Variants in GABRB2 observed in about 807,000 individuals in gnomAD.
The protein encoded by GABRB2 is gamma-aminobutyric acid receptor subunit beta-2.
Under a neutral mutation model 54.7 loss-of-function variants are expected in GABRB2, and 16 were observed. That is an observed-to-expected ratio of 0.29 (90% CI 0.20 to 0.44). The LOEUF (loss-of-function observed/expected upper bound fraction) is 0.44. Ranked by LOEUF, GABRB2 falls within the 20% of genes least tolerant of loss-of-function variation. The pLI is 1.00. For synonymous variants in GABRB2, 244 were observed against 233.8 expected, an observed-to-expected ratio of 1.04 and a Z score of -0.40; for missense variants, 355 against 644.0, an observed-to-expected ratio of 0.55 and a Z score of 4.86.
chr5:161,527,751 TTTAG>T (rs1322958435), intron 3 of GABRB2, among the ~76,000 whole-genome samples: 3 of 151,592 alleles, frequency 2.0e-5, no homozygotes, highest in Non-Finnish European at 4.4e-5. Context: ...GGCAATAAAA[TTTAG>T]TTAATCATGG....
At chr5:161,398,891 C>T (rs919807068) in intron 5 of GABRB2, among the ~76,000 whole-genome samples, 5 of 151,956 alleles carry the variant, frequency 3.3e-5, no homozygotes, top group East Asian at 1.9e-4. Context: ...GGTTTCACTA[C>T]GTTGGCCAGG....
rs763978292 is a variant in GABRB2 at position 161,424,639 on chromosome 5, C to A, written c.459-13582G>T. On this transcript the variant is annotated intron_variant, in intron 4 of 9. Coordinates refer to ENST00000393959, the MANE Select transcript of GABRB2 (RefSeq NM_001371727.1). ...GACAATGCACCTGGTCACCCAAGAG[C>A]TCTTATGGAGATATACAAGGAAATT... is the stretch of plus-strand genomic sequence containing the variant. 7.9e-5 allele frequency among the ~76,000 whole-genome samples: 12 copies of A among 152,088 alleles called. 1 individual carries two copies. The highest frequency in any genetic ancestry group is 1.6e-4 in the Non-Finnish European group (11 of 67,980).
intron 9 of GABRB2, 78 bp from the exon 10 acceptor site, chr5:161,294,506 G>T: frequency 8.2e-7 from 1 of 1,213,750 alleles, no homozygotes; most frequent in Non-Finnish European, 1.2e-6. Flanking sequence ...CACTATGATC[G>T]GCACTTAAGG....
At chr5:161,360,897 A>G (rs1205089803) in intron 5 of GABRB2, among the ~76,000 whole-genome samples, 2 of 152,074 alleles carry the variant, frequency 1.3e-5, no homozygotes, top group East Asian at 3.9e-4. Flanking sequence ...AAAAACAGAG[A>G]TAACATGTTA....
chr5:161,410,265 G>A lies in GABRB2; in HGVS notation c.541+710C>T, dbSNP rs180783760. Among the ~76,000 whole-genome samples, 268 of 152,106 alleles carry A rather than the reference G, an allele frequency of 1.8e-3. 5 individuals are homozygous for A. Among genetic ancestry groups the A allele is most frequent in the East Asian group, 0.013 (65 of 5,168 alleles). On this transcript the variant is annotated intron_variant, in intron 5 of 9. Transcript: ENST00000393959. ...TATGTGACCTCCAAAATGGAGATGC[G>A]TTATAAAATCACCATTTTAGCCCAC... is the stretch of plus-strand genomic sequence containing the variant.
chr5:161,419,232 A>G (rs991542872), intron 4 of GABRB2, among the ~76,000 whole-genome samples: 3 of 152,244 alleles, frequency 2.0e-5, no homozygotes, highest in Non-Finnish European at 4.4e-5. Context: ...TAATCATCAG[A>G]GAAATGCATG....
At chr5:161,385,949 T>G (rs1018706910) in intron 5 of GABRB2, among the ~76,000 whole-genome samples, 5 of 9,068 alleles carry the variant, frequency 5.5e-4, no homozygotes, top group African/African-American at 2.1e-3. Flanking sequence ...TATTGTCTGG[T>G]GTGTGTGTGT....
In GABRB2 at chr5:161,459,642, G is replaced by A. The variant is rs1437160749; in HGVS notation, c.440C>T (p.Thr147Ile). 2 of 1,613,892 alleles carry A rather than the reference G, an allele frequency of 1.2e-6. No homozygotes were observed. Among genetic ancestry groups the A allele is most frequent in the Non-Finnish European group, 1.7e-6 (2 of 1,179,892 alleles). ...NRMIRLHPDG[T>I]VLYGLRITTT... Reference sequence around the variant, plus strand: ...AACAGACCTGAGTCCATAAAGGACGGTGCCATCAGGATGCAGGCGAATCAT... The same window carrying A: ...AACAGACCTGAGTCCATAAAGGACGATGCCATCAGGATGCAGGCGAATCAT... Residue 147 changes from threonine to isoleucine, a missense_variant, in exon 4 of 10, where the codon ACC becomes ATC. Physicochemically the swap from Thr to Ile is moderately conservative, Grantham distance 89. Around this residue, in one of 6 missense-constraint regions of GABRB2, gnomAD observed 15 missense variants for 102.2 expected, o/e 0.15. Transcript: ENST00000393959.
At chr5:161,547,490 T>C (rs1761023758), upstream of GABRB2, among the ~76,000 whole-genome samples, 1 of 152,018 alleles carries the variant, frequency 6.6e-6, no homozygotes, top group African/African-American at 2.4e-5. Context: ...TTGCCCCCTA[T>C]TCCCAGAGAA....
At chr5:161,505,560 A>T (rs1167031132) in intron 3 of GABRB2, among the ~76,000 whole-genome samples, 1 of 152,218 alleles carries the variant, frequency 6.6e-6, no homozygotes, top group East Asian at 1.9e-4. Context: ...ATTTACAAAA[A>T]AATTAATAAT....
intron 5 of GABRB2, among the ~76,000 whole-genome samples, chr5:161,393,073 A>T (rs1237946514): frequency 6.6e-6 from 1 of 152,024 alleles, no homozygotes; most frequent in African/African-American, 2.4e-5. Flanking sequence ...TCTTACACAG[A>T]TCTTTTTTTT....
At chr5:161,397,424 A>G (rs1756038048) in intron 5 of GABRB2, among the ~76,000 whole-genome samples, 1 of 152,192 alleles carries the variant, frequency 6.6e-6, no homozygotes, top group Non-Finnish European at 1.5e-5. Flanking sequence ...TGTTTTAAGT[A>G]TAAGCAAAAT....
intron 5 of GABRB2, among the ~76,000 whole-genome samples, chr5:161,410,703 G>C (rs567364673): frequency 6.6e-6 from 1 of 152,040 alleles, no homozygotes; most frequent in Non-Finnish European, 1.5e-5. Context: ...AATAGCCCTC[G>C]GTCTCCTTCC....
chr5:161,312,021 TG>T (rs1465821910), intron 9 of GABRB2, among the ~76,000 whole-genome samples: 3 of 112,482 alleles, frequency 2.7e-5, no homozygotes, highest in Admixed American at 8.4e-5. Flanking sequence ...TAATGTTTTG[TG>T]TGTGTGTGTG....
intron 4 of GABRB2, among the ~76,000 whole-genome samples, chr5:161,443,598 G>A (rs1370028928): frequency 1.3e-5 from 2 of 152,188 alleles, no homozygotes; most frequent in South Asian, 2.1e-4. Flanking sequence ...ATATTATTTG[G>A]AACTTGGTCT....
rs1561646509 is a variant in GABRB2 at position 161,428,287 on chromosome 5, A to ATGTG, written c.459-17231_459-17230insCACA. Among the ~76,000 whole-genome samples, 195 of 129,024 alleles carry ATGTG rather than the reference A, an allele frequency of 1.5e-3. 1 individual carries two copies. Among genetic ancestry groups the ATGTG allele is most frequent in the African/African-American group, 5.6e-3 (184 of 32,752 alleles). The allele number at this position is 129,024 out of a possible 152,430, so 84.6% of individuals were successfully genotyped here. The stretch of plus-strand genomic sequence containing the variant: ...AACATATCTATCATCTCAGAGAGTT[A>ATGTG]CGTGTGTGTGTGTGTGTGTGTGTGT... On this transcript the variant is annotated intron_variant, in intron 4 of 9. Transcript: ENST00000393959.
At chr5:161,541,628 G>T (rs563694334) in intron 3 of GABRB2, among the ~76,000 whole-genome samples, 1 of 152,302 alleles carries the variant, frequency 6.6e-6, no homozygotes, top group East Asian at 1.9e-4. Context: ...TCCTAAAGCA[G>T]CCTCTGCTAG....
chr5:161,487,738 T>C (rs1333046862), intron 3 of GABRB2, among the ~76,000 whole-genome samples: 3 of 151,920 alleles, frequency 2.0e-5, no homozygotes, highest in East Asian at 1.9e-4. Context: ...CAAAATAACA[T>C]GTAAAAAGCT....
At chr5:161,332,907 T>G (rs1306001991) in intron 7 of GABRB2, among the ~76,000 whole-genome samples, 1 of 152,142 alleles carries the variant, frequency 6.6e-6, no homozygotes. Context: ...TGGTCTTGCT[T>G]TAGATACAGG....
Sources: gnomAD v4.1 joint callset for allele counts (sites outside exome capture counted in the v4.1 genomes callset) on GRCh38, gnomAD v4.1.1 for gene constraint, gnomAD v4.1.1 regional missense constraint, MANE v1.5 for transcripts, NCBI Gene and HGNC (gene_info 2026-07-23, HGNC 2026-07-21) for gene names.